The following GTF2H5 variants were observed in gnomAD, a reference collection of about 807,000 sequenced individuals.
The protein encoded by GTF2H5 is TFB5 ortholog.
Under a neutral mutation model 7.1 loss-of-function variants are expected in GTF2H5, and 5 were observed. The observed-to-expected ratio is 0.71, with a 90% CI of 0.37 to 1.49. GTF2H5 has a LOEUF of 1.49. GTF2H5 is among the 40% of genes most tolerant of loss of function. GTF2H5 has a pLI of 0.03. For missense variants in GTF2H5, 80 were observed against 83.0 expected (o/e 0.96, Z 0.14); for synonymous variants, 30 against 31.7 (o/e 0.95, Z 0.18).
intron 2 of GTF2H5, among the ~76,000 whole-genome samples, chr6:158,182,867 C>G (rs867483834): frequency 6.6e-6 from 1 of 152,130 alleles, no homozygotes; most frequent in Non-Finnish European, 1.5e-5. Context: ...CCTTCTGAAG[C>G]CAACTTCTGT....
intron 1 of GTF2H5, among the ~76,000 whole-genome samples, chr6:158,169,651 T>TAA (rs1785777081): frequency 1.4e-5 from 1 of 71,976 alleles, no homozygotes. Context: ...ATATTGTATA[T>TAA]TACATATAAT....
rs187250968 is a variant in GTF2H5 at position 158,171,405 on chromosome 6, G to C, written c.35+867G>C. Among the ~76,000 whole-genome samples the C allele has an allele frequency of 2.6e-5, 4 of 152,316 alleles. No homozygotes were observed. The East Asian group carries it at 7.7e-4, about 29-fold the overall frequency. ...AGACTAACCGTGTTTCAAGGACTCT[G>C]TAGTGACCTGACTAGTGGGCTACCT... On this transcript the variant is annotated intron_variant, in intron 2 of 2. Transcript: ENST00000607778.
Position 158,192,476 on chromosome 6 carries a change from T to C in GTF2H5, c.*319T>C, listed in dbSNP as rs1777043626. 3.1e-6 allele frequency: 1 copy of C among 325,304 alleles called. No individual in the cohort carries two copies. The highest frequency in any genetic ancestry group is 2.9e-5 in the South Asian group (1 of 34,506). The allele number at this position is 325,304 out of a possible 1,614,324, so 20.2% of individuals were successfully genotyped here. ...CATAGGTATTTATTTTGCTCATCCC[T>C]GTGATCTGTGCATTTTTGCTGCGTG... On this transcript the variant is annotated 3_prime_UTR_variant, in exon 3 of 3. Coordinates refer to ENST00000607778, the MANE Select transcript of GTF2H5 (RefSeq NM_207118.3).
Position 158,198,522 on chromosome 6 carries a change from G to A in GTF2H5, c.*6365G>A, listed in dbSNP as rs1777147118. The A allele has an allele frequency of 1.3e-5, 2 of 152,114 alleles. No individual in the cohort carries two copies. The highest frequency in any genetic ancestry group is 4.1e-4 in the South Asian group (2 of 4,828). 9.4% of individuals were successfully genotyped at this position (152,114 alleles called of 1,614,324 possible). On this transcript the variant is annotated 3_prime_UTR_variant, in exon 3 of 3. Coordinates refer to ENST00000607778, the MANE Select transcript of GTF2H5 (RefSeq NM_207118.3). ...AACTCGGCTCACTGCAACCTCCCAG[G>A]TTCAAGCAATTCTCGTGCCTCAGCC...
intron 2 of GTF2H5, among the ~76,000 whole-genome samples, chr6:158,185,540 CAA>C (rs35857314): frequency 9.5e-4 from 77 of 81,454 alleles, no homozygotes; most frequent in Admixed American, 2.0e-3. Context: ...GGCCCTGTCT[CAA>C]AAAAAAAAAA....
chr6:158,172,159 C>G (rs1040214920), intron 2 of GTF2H5, among the ~76,000 whole-genome samples: 6 of 151,636 alleles, frequency 4.0e-5, no homozygotes, highest in Non-Finnish European at 5.9e-5. Flanking sequence ...GTTTTAGATT[C>G]ATTCATCTAG....
chr6:158,169,740 A>ATATAATATATTGTATATTG (rs1785805228), intron 1 of GTF2H5, among the ~76,000 whole-genome samples: 1 of 40,518 alleles, frequency 2.5e-5, no homozygotes, highest in Non-Finnish European at 4.1e-5. Context: ...ATTGTATATT[A>ATATAATATATTGTATATTG]TATATTATAT....
chr6:158,169,740 ATATAT>A (rs1312085227), intron 1 of GTF2H5, among the ~76,000 whole-genome samples: 59 of 40,464 alleles, frequency 1.5e-3, no homozygotes, highest in African/African-American at 2.2e-3. Flanking sequence ...ATTGTATATT[ATATAT>A]TATATAATAT....
At chr6:158,178,206 G>A (rs775190725) in intron 2 of GTF2H5, among the ~76,000 whole-genome samples, 18 of 152,006 alleles carry the variant, frequency 1.2e-4, no homozygotes, top group East Asian at 5.8e-4. Context: ...GGCTGGGCGC[G>A]GTGGCTCACA....
intron 1 of GTF2H5, among the ~76,000 whole-genome samples, chr6:158,169,314 T>G (rs1302885445): frequency 8.3e-6 from 1 of 121,026 alleles, no homozygotes; most frequent in South Asian, 2.2e-4. Context: ...ATATATAATA[T>G]GTATATTATG....
intron 1 of GTF2H5, among the ~76,000 whole-genome samples, chr6:158,169,411 A>ATATATAATATATTG (rs1562467886): frequency 1.2e-4 from 11 of 88,850 alleles, no homozygotes; most frequent in African/African-American, 5.0e-4. Flanking sequence ...ATTGTATATT[A>ATATATAATATATTG]TATATTATAT....
intron 2 of GTF2H5, chr6:158,190,592 A>G (rs775132430): frequency 2.3e-6 from 1 of 434,564 alleles, no homozygotes; most frequent in Non-Finnish European, 4.5e-6. Flanking sequence ...AAGTCCCCCA[A>G]ATCAGTTCTG....
chr6:158,174,104 G>A (rs1287793330), intron 2 of GTF2H5, among the ~76,000 whole-genome samples: 3 of 152,046 alleles, frequency 2.0e-5, no homozygotes, highest in African/African-American at 4.8e-5. Context: ...CTGTATCCTC[G>A]CTTATCGGTG....
chr6:158,189,022 G>A (rs1020937836), intron 2 of GTF2H5, among the ~76,000 whole-genome samples: 2 of 139,758 alleles, frequency 1.4e-5, no homozygotes, highest in African/African-American at 2.7e-5. Context: ...AGGATGCCCT[G>A]TAGCCTCAGC....
chr6:158,170,551 G>A lies in GTF2H5; in HGVS notation c.35+13G>A. The A allele has an allele frequency of 6.4e-7, 1 of 1,559,834 alleles. No individual in the cohort carries two copies. The highest frequency in any genetic ancestry group is 1.3e-5 in the African/African-American group (1 of 74,092). The stretch of plus-strand genomic sequence containing the variant: ...TGCTTATAGAATGGTTAGTAGTTTT[G>A]ATACTGCATGAGTTTTAAGTTTAAA... On this transcript the variant is annotated intron_variant, in intron 2 of 2. Coordinates refer to ENST00000607778, the MANE Select transcript of GTF2H5 (RefSeq NM_207118.3).
chr6:158,189,666 T>C (rs1228835246), intron 2 of GTF2H5, among the ~76,000 whole-genome samples: 1 of 152,216 alleles, frequency 6.6e-6, no homozygotes, highest in African/African-American at 2.4e-5. Flanking sequence ...TCTGTTGATA[T>C]TCCCATCTGT....
intron 2 of GTF2H5, among the ~76,000 whole-genome samples, chr6:158,177,201 G>A (rs1053478118): frequency 1.1e-4 from 16 of 152,186 alleles, no homozygotes; most frequent in Non-Finnish European, 2.2e-4. Context: ...CTCTCACATG[G>A]TCTTGGCATT....
intron 2 of GTF2H5, among the ~76,000 whole-genome samples, chr6:158,178,141 G>A (rs549545394): frequency 8.9e-4 from 136 of 152,160 alleles, no homozygotes; most frequent in Non-Finnish European, 1.3e-3. Flanking sequence ...TTAAGGAATC[G>A]CCACGCTGTC....
intron 2 of GTF2H5, among the ~76,000 whole-genome samples, chr6:158,181,301 A>G (rs1786007250): frequency 6.6e-6 from 1 of 152,174 alleles, no homozygotes. Context: ...TTATATGGTC[A>G]ATTTTAGAAT....
Sources: gnomAD v4.1 joint callset for allele counts (sites outside exome capture counted in the v4.1 genomes callset) on GRCh38, gnomAD v4.1.1 for gene constraint, MANE v1.5 for transcripts, NCBI Gene and HGNC (gene_info 2026-07-23, HGNC 2026-07-21) for gene names.